SLMAP: variants seen among roughly 807,000 people sequenced by gnomAD.
SLMAP encodes the protein sarcolemmal membrane-associated protein.
In SLMAP, 44 loss-of-function variants were observed where a neutral mutation model predicts 128.8. The observed-to-expected ratio is 0.34, with a 90% confidence interval of 0.27 to 0.44. SLMAP has a LOEUF of 0.44. Ranked by LOEUF, SLMAP falls within the 20% of genes least tolerant of loss-of-function variation. The pLI, the probability that SLMAP is intolerant of heterozygous loss-of-function variation, is 1.00. For missense variants in SLMAP, 787 were observed against 985.3 expected (o/e 0.80, Z 2.69); for synonymous variants, 327 against 348.8 (o/e 0.94, Z 0.70).
chr3:57,853,974 T>TTTAC (rs1424719275), intron 6 of SLMAP, among the ~76,000 whole-genome samples: 3 of 98,542 alleles, frequency 3.0e-5, no homozygotes, highest in Admixed American at 1.1e-4. Flanking sequence ...TATATATATA[T>TTTAC]ATATATATAT....
chr3:57,891,721 C>T (rs1467509068), intron 15 of SLMAP, among the ~76,000 whole-genome samples: 3 of 152,032 alleles, frequency 2.0e-5, no homozygotes, highest in Non-Finnish European at 4.4e-5. Context: ...GAATTATAGG[C>T]GCATGCCACC....
chr3:57,756,749 G>C lies in SLMAP; in HGVS notation c.-903G>C, dbSNP rs1229552670. 2 of 152,338 alleles carry C rather than the reference G, an allele frequency of 1.3e-5. No homozygotes were observed. The highest frequency in any genetic ancestry group is 2.9e-5 in the Non-Finnish European group (2 of 68,144). The allele number at this position is 152,338 out of a possible 1,614,324, so 9.4% of individuals were successfully genotyped here. A position where few individuals can be genotyped will look rare whatever the true frequency, so the allele number is the denominator to read the frequency against. ...ACCCTCGCGGGGGCGACCCTGAGGGGAGGCGGCCCATGTGCTGAGCGGCGG... is the reference window on the plus strand; with the variant it reads ...ACCCTCGCGGGGGCGACCCTGAGGGCAGGCGGCCCATGTGCTGAGCGGCGG... On this transcript the variant is annotated 5_prime_UTR_variant, in exon 2 of 25. Transcript: ENST00000671191.
At chr3:57,838,572 G>A (rs985085459) in intron 3 of SLMAP, among the ~76,000 whole-genome samples, 1 of 152,222 alleles carries the variant, frequency 6.6e-6, no homozygotes, top group African/African-American at 2.4e-5. Context: ...TGAGACAACA[G>A]TTTCTGTAAA....
chr3:57,908,411 C>CT, intron 18 of SLMAP, among the ~76,000 whole-genome samples: 1 of 152,310 alleles, frequency 6.6e-6, no homozygotes, highest in South Asian at 2.1e-4. Flanking sequence ...TTCCCTAGAG[C>CT]TTACATTTCT....
At chr3:57,886,574 C>G (rs1575739595) in intron 14 of SLMAP, among the ~76,000 whole-genome samples, 1 of 138,806 alleles carries the variant, frequency 7.2e-6, no homozygotes, top group African/African-American at 2.7e-5. Context: ...AAGAAAAAGG[C>G]AAGAGGTTTT....
chr3:57,925,915 G>T lies in SLMAP; in HGVS notation c.2516G>T (p.Gly839Val). 1 of 1,550,742 alleles carries T rather than the reference G, an allele frequency of 6.4e-7. No individual in the cohort carries two copies. Among genetic ancestry groups the T allele is most frequent in the Non-Finnish European group, 8.7e-7 (1 of 1,146,820 alleles). Residue 839 changes from glycine to valine, a missense_variant, in exon 24 of 25, where the codon GGT becomes GTT. By Grantham distance (109) the Gly-to-Val change is moderately radical. Transcript: ENST00000671191. The stretch of plus-strand genomic sequence containing the variant: ...CTGGCTTTCCTGTTTTGGTGTTTCG[G>T]TCCATTGTGGTAGAGAAAGGTACAA... ...LFLAFLFWCF[G>V]PLW is the part of the protein sequence containing the mutation.
At chr3:57,824,288 C>T (rs956778740) in intron 2 of SLMAP, among the ~76,000 whole-genome samples, 1 of 152,000 alleles carries the variant, frequency 6.6e-6, no homozygotes, top group Non-Finnish European at 1.5e-5. Flanking sequence ...GAGAAGACAT[C>T]AAGCTTACCA....
At chr3:57,790,509 A>C (rs1168979062) in intron 2 of SLMAP, among the ~76,000 whole-genome samples, 1 of 152,128 alleles carries the variant, frequency 6.6e-6, no homozygotes, top group Non-Finnish European at 1.5e-5. Flanking sequence ...CAGTAGATAT[A>C]TATTTTGTGA....
At chr3:57,801,340 T>C (rs1200545236) in intron 2 of SLMAP, 1 of 152,764 alleles carries the variant, frequency 6.5e-6, no homozygotes, top group Non-Finnish European at 1.5e-5. Context: ...GTGAGTACTA[T>C]TGTGATAGGC....
At chr3:57,906,665 T>G (rs995564385) in intron 17 of SLMAP, among the ~76,000 whole-genome samples, 2 of 28,548 alleles carry the variant, frequency 7.0e-5, no homozygotes, top group Non-Finnish European at 1.3e-4. Flanking sequence ...TCTATGAATA[T>G]GAAAAAAAAA....
chr3:57,924,013 A>G (rs1031328568), intron 23 of SLMAP, among the ~76,000 whole-genome samples: 12 of 152,096 alleles, frequency 7.9e-5, no homozygotes, highest in Non-Finnish European at 1.3e-4. Flanking sequence ...AGATTACATA[A>G]CTCTTCTAAA....
intron 23 of SLMAP, among the ~76,000 whole-genome samples, chr3:57,923,529 GAT>G (rs200286313): frequency 1.9e-3 from 296 of 152,292 alleles, no homozygotes; most frequent in African/African-American, 7.0e-3. Context: ...GAGAGAGAGA[GAT>G]GAACATTTTG....
At chr3:57,784,921 G>C (rs1205058623) in intron 2 of SLMAP, among the ~76,000 whole-genome samples, 2 of 152,030 alleles carry the variant, frequency 1.3e-5, no homozygotes, top group African/African-American at 4.8e-5. Context: ...TTACCCTTTT[G>C]CCTTCTGCCA....
chr3:57,786,129 C>T (rs17058531), intron 2 of SLMAP, among the ~76,000 whole-genome samples: 2,784 of 152,204 alleles, frequency 0.018, 74 homozygotes, highest in African/African-American at 0.064. Flanking sequence ...GAGGATCATC[C>T]AATTCAGCAT....
At chr3:57,771,863 A>G (rs1161921245) in intron 2 of SLMAP, among the ~76,000 whole-genome samples, 1 of 152,210 alleles carries the variant, frequency 6.6e-6, no homozygotes, top group Non-Finnish European at 1.5e-5. Flanking sequence ...AAGTTTGTAC[A>G]GTTTCCCTGT....
chr3:57,848,500 CCTTCTTCTTT>C (rs1214509994), intron 5 of SLMAP, among the ~76,000 whole-genome samples: 4 of 150,210 alleles, frequency 2.7e-5, no homozygotes, highest in Admixed American at 2.0e-4. Flanking sequence ...CCTCCTACTT[CCTTCTTCTTT>C]CTTCTTCTTC....
At chr3:57,818,809 G>A (rs776422106) in intron 2 of SLMAP, among the ~76,000 whole-genome samples, 2 of 152,192 alleles carry the variant, frequency 1.3e-5, no homozygotes, top group Non-Finnish European at 2.9e-5. Flanking sequence ...AGGGAAAAAT[G>A]TCTAGGGACT....
At chr3:57,766,609 C>T (rs895405728) in intron 2 of SLMAP, among the ~76,000 whole-genome samples, 4 of 152,132 alleles carry the variant, frequency 2.6e-5, no homozygotes, top group East Asian at 1.9e-4. Context: ...AAATCTTTGA[C>T]GTTGCCTCAT....
intron 2 of SLMAP, among the ~76,000 whole-genome samples, chr3:57,788,241 A>G (rs145991335): frequency 1.6e-4 from 24 of 152,352 alleles, no homozygotes; most frequent in Non-Finnish European, 2.8e-4. Flanking sequence ...GAAGGACTTT[A>G]GTGTAATGCT....
Sources: gnomAD v4.1 joint callset for allele counts (sites outside exome capture counted in the v4.1 genomes callset) on GRCh38, gnomAD v4.1.1 for gene constraint, MANE v1.5 for transcripts, NCBI Gene and HGNC (gene_info 2026-07-23, HGNC 2026-07-21) for gene names.